The following AAR2 variants were observed in gnomAD, a reference collection of about 807,000 sequenced individuals.
The protein encoded by AAR2 is AAR2 splicing factor, also known as protein AAR2 homolog.
A neutral mutation model predicts 26.9 loss-of-function variants in AAR2; 31 were observed. The observed-to-expected ratio is 1.15, with a 90% confidence interval of 0.86 to 1.55. AAR2 has a LOEUF of 1.55. Ranked by LOEUF, AAR2 falls within the 40% of genes most tolerant of loss-of-function variation. The probability of loss-of-function intolerance (pLI) is 0.00; values close to 1 mark genes in which losing one functional copy is unlikely to be tolerated. For synonymous variants in AAR2, 188 were observed against 196.1 expected, an observed-to-expected ratio of 0.96 and a Z score of 0.34; for missense variants, 430 against 491.3, an observed-to-expected ratio of 0.88 and a Z score of 1.18.
chr20:36,248,857 C>T lies in AAR2; in HGVS notation c.987+3931C>T, dbSNP rs1044780297. Among the ~76,000 whole-genome samples the T allele has an allele frequency of 4.0e-5, 6 of 149,990 alleles. No homozygotes were observed. In the South Asian group the frequency reaches 8.4e-4, roughly 21 times the overall value. On this transcript the variant is annotated intron_variant, in intron 3 of 3. Coordinates refer to ENST00000320849, the MANE Select transcript of AAR2 (RefSeq NM_001271874.2). ...GGGATGACTGAGATTTCAAAAGGCACAATGTGGAGAAGGATATTGTAAAAC... is the reference window on the plus strand; with the variant it reads ...GGGATGACTGAGATTTCAAAAGGCATAATGTGGAGAAGGATATTGTAAAAC...
intron 3 of AAR2, among the ~76,000 whole-genome samples, chr20:36,247,803 A>G (rs543446135): frequency 6.6e-6 from 1 of 152,286 alleles, no homozygotes; most frequent in Admixed American, 6.5e-5. Context: ...GGGGAAGCAG[A>G]GGTTGCAGTG....
chr20:36,239,688 C>A, intron 1 of AAR2, 133 bp from the exon 2 acceptor site: 1 of 706,664 alleles, frequency 1.4e-6, no homozygotes, highest in Non-Finnish European at 2.2e-6. Flanking sequence ...AAACTCAATG[C>A]AGGGTTGTCA....
intron 3 of AAR2, among the ~76,000 whole-genome samples, chr20:36,253,885 A>T (rs2064799232): frequency 1.3e-5 from 2 of 152,254 alleles, no homozygotes; most frequent in South Asian, 4.1e-4. Context: ...TCCAAACTGC[A>T]GTAAGATACT....
chr20:36,251,699 C>A (rs1158930339), intron 3 of AAR2, among the ~76,000 whole-genome samples: 1 of 152,234 alleles, frequency 6.6e-6, no homozygotes, highest in Non-Finnish European at 1.5e-5. Flanking sequence ...TCCTGCCTCC[C>A]AGGCTGTGGT....
At chr20:36,243,403 T>C (rs945074215) in intron 2 of AAR2, among the ~76,000 whole-genome samples, 1 of 152,236 alleles carries the variant, frequency 6.6e-6, no homozygotes, top group Non-Finnish European at 1.5e-5. Context: ...CAAATCAAAC[T>C]TAGTTCCGTA....
intron 3 of AAR2, among the ~76,000 whole-genome samples, chr20:36,250,771 CTG>C (rs2064773746): frequency 6.6e-6 from 1 of 152,072 alleles, no homozygotes; most frequent in Non-Finnish European, 1.5e-5. Context: ...AAAGCAAACA[CTG>C]TGAACATGTA....
intron 3 of AAR2, among the ~76,000 whole-genome samples, chr20:36,249,924 G>A (rs865960631): frequency 6.6e-6 from 1 of 152,144 alleles, no homozygotes; most frequent in African/African-American, 2.4e-5. Flanking sequence ...GGTCATCATT[G>A]TGAAACAATA....
chr20:36,240,004 C>T lies in AAR2; in HGVS notation c.136C>T (p.Arg46Trp), dbSNP rs769313669. Residue 46 changes from arginine (R) to tryptophan (W), a missense_variant, in exon 2 of 4, where the codon CGG becomes TGG. Arg to Trp is a moderately radical substitution (Grantham distance 101, BLOSUM62 -3). Transcript: ENST00000320849. ...YNSWEVGPKF[R>W]GVKMIPPGIH... ...CTCCTGGGAGGTCGGGCCCAAGTTC[C>T]GGGGCGTGAAGATGATCCCTCCAGG... 1.5e-5 allele frequency: 24 copies of T among 1,614,210 alleles called. No homozygotes were observed. The highest frequency in any genetic ancestry group is 4.5e-5 in the East Asian group (2 of 44,882).
intron 2 of AAR2, among the ~76,000 whole-genome samples, chr20:36,243,531 A>G (rs149046359): frequency 0.01 from 1,567 of 152,292 alleles, 10 homozygotes; most frequent in Middle Eastern, 0.034. Flanking sequence ...GCCCACATGT[A>G]TGTATACCTC....
In AAR2 at chr20:36,256,053, T is replaced by G; in HGVS notation, c.*308T>G. 3.7e-6 allele frequency: 1 copy of G among 268,676 alleles called. No individual in the cohort carries two copies. Among genetic ancestry groups the G allele is most frequent in the Non-Finnish European group, 7.0e-6 (1 of 142,658 alleles). 16.6% of individuals were successfully genotyped at this position (268,676 alleles called of 1,614,324 possible). On this transcript the variant is annotated 3_prime_UTR_variant, in exon 4 of 4. Transcript: ENST00000320849. ...ACATCTGCCTACACGGCAACCATAT[T>G]TCCTCTGAATGAGAAGGAATTGAAC...
intron 2 of AAR2, among the ~76,000 whole-genome samples, chr20:36,243,564 A>G (rs929201245): frequency 6.6e-6 from 1 of 152,140 alleles, no homozygotes; most frequent in African/African-American, 2.4e-5. Context: ...GCCACCTTTG[A>G]AGTAGAGAGA....
intron 3 of AAR2, among the ~76,000 whole-genome samples, chr20:36,253,658 C>T (rs2064797716): frequency 6.6e-6 from 1 of 152,130 alleles, no homozygotes; most frequent in African/African-American, 2.4e-5. Flanking sequence ...CTCCCCTGCC[C>T]ATGTTTGTAT....
At chr20:36,242,914 G>A (rs1402698764) in intron 2 of AAR2, among the ~76,000 whole-genome samples, 1 of 140,314 alleles carries the variant, frequency 7.1e-6, no homozygotes, top group Non-Finnish European at 1.5e-5. Flanking sequence ...CTGGAGTACA[G>A]TGGCATGATC....
chr20:36,242,364 T>TTG lies in AAR2; in HGVS notation c.757+1740_757+1741insGT, dbSNP rs2064691334. ...AACCTATATTTTAACAGGTACATCT[T>TTG]TTGTTGTTGTTGTTGTTGTTGTTGT... On this transcript the variant is annotated intron_variant, in intron 2 of 3. Coordinates refer to ENST00000320849, the MANE Select transcript of AAR2 (RefSeq NM_001271874.2). Among the ~76,000 whole-genome samples, 11 of 145,274 alleles carry TTG rather than the reference T, an allele frequency of 7.6e-5. No individual in the cohort carries two copies. In the South Asian group the frequency reaches 1.1e-3, roughly 15 times the overall value.
intron 3 of AAR2, among the ~76,000 whole-genome samples, chr20:36,246,874 C>T (rs1437096749): frequency 6.6e-6 from 1 of 152,078 alleles, no homozygotes; most frequent in Non-Finnish European, 1.5e-5. Context: ...CAAAACAAAA[C>T]AAAACAAAAA....
At position 36,256,383 on chromosome 20, in the gene AAR2, G is replaced by A. The variant is rs2064821888; in HGVS notation, c.*638G>A. 6.6e-6 allele frequency: 1 copy of A among 152,306 alleles called. No homozygotes were observed. Among genetic ancestry groups the A allele is most frequent in the Admixed American group, 6.5e-5 (1 of 15,286 alleles). 9.4% of individuals were successfully genotyped at this position (152,306 alleles called of 1,614,324 possible). ...TCCCATTCTCCTGTCCAGAGGCCCA[G>A]TGGGTCATCTCCCAAGGTGGGTGTG... On this transcript the variant is annotated 3_prime_UTR_variant, in exon 4 of 4. Transcript: ENST00000320849.
In AAR2 at chr20:36,242,854, G is replaced by GTTTT. The variant is rs766390749; in HGVS notation, c.758-1825_758-1822dup. 1.2e-4 allele frequency among the ~76,000 whole-genome samples: 15 copies of GTTTT among 120,982 alleles called. 1 individual carries two copies. The highest frequency in any genetic ancestry group is 2.2e-4 in the Non-Finnish European group (13 of 57,864). 79.4% of individuals were successfully genotyped at this position (120,982 alleles called of 152,430 possible). On this transcript the variant is annotated intron_variant, in intron 2 of 3. Coordinates refer to ENST00000320849, the MANE Select transcript of AAR2 (RefSeq NM_001271874.2). ...GTCTGTTACAGGAATAACTTTGTTG[G>GTTTT]TTTTTTTTTTTTTTTTTTTTTGAGA...
At chr20:36,255,552 A>G (rs746483335) in intron 3 of AAR2, 26 bp from the exon 4 acceptor site, 1 of 1,613,680 alleles carries the variant, frequency 6.2e-7, no homozygotes, top group African/African-American at 1.3e-5. Flanking sequence ...TCTTCTCAGG[A>G]GTGACTTATC....
intron 2 of AAR2, among the ~76,000 whole-genome samples, chr20:36,242,469 C>CA (rs1420033893): frequency 6.6e-6 from 1 of 152,056 alleles, no homozygotes; most frequent in Non-Finnish European, 1.5e-5. Flanking sequence ...CGGCTCACTG[C>CA]AAGCTCCGCC....
Sources: allele counts gnomAD v4.1 joint callset (sites outside exome capture counted in the v4.1 genomes callset), GRCh38; gene constraint gnomAD v4.1.1; transcripts MANE v1.5; gene names NCBI Gene and HGNC (gene_info 2026-07-23, HGNC 2026-07-21).